KIAA1549: variants seen among roughly 807,000 people sequenced by gnomAD.
The protein encoded by KIAA1549 is UPF0606 protein KIAA1549.
In KIAA1549, 70 loss-of-function variants were observed where a neutral mutation model predicts 156.4. That is an observed-to-expected ratio of 0.45 (90% CI 0.37 to 0.55). The LOEUF (loss-of-function observed/expected upper bound fraction) is 0.55. Ranked by LOEUF, KIAA1549 falls within the 20% of genes least tolerant of loss-of-function variation. KIAA1549 has a pLI of 0.00. For missense variants in KIAA1549, 2,428 were observed against 2,540.9 expected (o/e 0.96, Z 0.96); for synonymous variants, 1,103 against 1,066.4 (o/e 1.03, Z -0.67).
rs559237252 is a variant in KIAA1549, at chr7:138,947,699, C to T, written c.188-28261G>A. Reference sequence around the variant, plus strand: ...CTTTTCTGAGATTCCTTGATAATAACTGCAGATGTAAACTACACTTTCAGT... The same window carrying T: ...CTTTTCTGAGATTCCTTGATAATAATTGCAGATGTAAACTACACTTTCAGT... On this transcript the variant is annotated intron_variant, in intron 1 of 19. Coordinates refer to ENST00000422774, the MANE Select transcript of KIAA1549 (RefSeq NM_001164665.2). 1.5e-3 allele frequency among the ~76,000 whole-genome samples: 224 copies of T among 152,310 alleles called. 2 individuals carry two copies. The highest frequency in any genetic ancestry group is 5.1e-3 in the African/African-American group (210 of 41,566).
At position 138,835,230 on chromosome 7, in the gene KIAA1549, A is replaced by C. The variant is rs186365916; in HGVS notation, c.*2676T>G. 1 of 214,648 alleles carries C rather than the reference A, an allele frequency of 4.7e-6. No individual in the cohort carries two copies. The highest frequency in any genetic ancestry group is 2.3e-5 in the African/African-American group (1 of 44,244). The allele number at this position is 214,648 out of a possible 1,614,324, so 13.3% of individuals were successfully genotyped here. A position where few individuals can be genotyped will look rare whatever the true frequency, so the allele number is the denominator to read the frequency against. On this transcript the variant is annotated 3_prime_UTR_variant, in exon 20 of 20. Transcript: ENST00000422774. ...CAGCTAGTTTTTTCTGAGTTTGGTGACTGGCAAAACTGTTGTGGCAGGCGT... is the reference window on the plus strand; with the variant it reads ...CAGCTAGTTTTTTCTGAGTTTGGTGCCTGGCAAAACTGTTGTGGCAGGCGT...
At chr7:138,838,355 G>A (rs1247754930) in intron 19 of KIAA1549, among the ~76,000 whole-genome samples, 195 bp from the exon 20 acceptor site, 1 of 152,216 alleles carries the variant, frequency 6.6e-6, no homozygotes, top group Non-Finnish European at 1.5e-5. Context: ...AAGGGAGGGA[G>A]GCTGGAGTGC....
chr7:138,848,972 A>T (rs191983249), intron 17 of KIAA1549, among the ~76,000 whole-genome samples: 1 of 152,174 alleles, frequency 6.6e-6, no homozygotes, highest in Non-Finnish European at 1.5e-5. Context: ...AGCTTAAGCA[A>T]TCATCCCATC....
chr7:138,950,902 C>G (rs549403006), intron 1 of KIAA1549, among the ~76,000 whole-genome samples: 1 of 152,156 alleles, frequency 6.6e-6, no homozygotes, highest in South Asian at 2.1e-4. Context: ...CTCTCTCTAC[C>G]CTGCTGAGGT....
chr7:138,918,688 T>G lies in KIAA1549; in HGVS notation c.938A>C (p.Glu313Ala), dbSNP rs1433078436. ...TCTGTCTGCACTTGTGGCCCAAACC[T>G]CCTCTGGAGGCTGTGAGACCTCCCC... is the stretch of plus-strand genomic sequence containing the variant. ...SLGEVSQPPEEVWATSADRYT... is the reference protein window; with the variant it reads ...SLGEVSQPPEAVWATSADRYT... The change falls in exon 2 of 20, where the codon GAG (glutamate) becomes GCG (alanine). Residue 313 changes from glutamate (E) to alanine (A), a missense_variant. Glu to Ala is a moderately radical substitution (Grantham distance 107, BLOSUM62 -1). Transcript: ENST00000422774. The surrounding 1 kb of genome is among the most constrained non-coding windows in gnomAD (Gnocchi z 4.2). 6.2e-7 allele frequency: 1 copy of G among 1,613,710 alleles called. No individual in the cohort carries two copies. Among genetic ancestry groups the G allele is most frequent in the South Asian group, 1.1e-5 (1 of 91,072 alleles).
At chr7:138,908,855 A>C (rs1812084641) in intron 5 of KIAA1549, 136 bp downstream of exon 5, 1 of 1,023,894 alleles carries the variant, frequency 9.8e-7, no homozygotes, top group Non-Finnish European at 1.4e-6. Context: ...CGCCACAGGA[A>C]TAGATCAATC....
At chr7:138,867,682 T>C (rs1355327406) in intron 15 of KIAA1549, among the ~76,000 whole-genome samples, 1 of 152,224 alleles carries the variant, frequency 6.6e-6, no homozygotes, top group Admixed American at 6.5e-5. Context: ...AGTCCCACTG[T>C]GAAGTCTGAG....
chr7:138,881,974 A>C (rs1404270159), intron 10 of KIAA1549, among the ~76,000 whole-genome samples: 1 of 152,254 alleles, frequency 6.6e-6, no homozygotes, highest in African/African-American at 2.4e-5. Context: ...AGATCATATC[A>C]GGAAGCAGAG....
chr7:138,959,237 A>T (rs1813764193), intron 1 of KIAA1549, among the ~76,000 whole-genome samples: 1 of 152,192 alleles, frequency 6.6e-6, no homozygotes, highest in East Asian at 1.9e-4. Flanking sequence ...TCTGCTATAC[A>T]TTAATTCATT....
chr7:138,891,643 G>T (rs1386457871), intron 10 of KIAA1549, among the ~76,000 whole-genome samples: 1 of 152,154 alleles, frequency 6.6e-6, no homozygotes, highest in Non-Finnish European at 1.5e-5. Context: ...GGGAAGGGGG[G>T]TGCAGATTTT....
intron 1 of KIAA1549, among the ~76,000 whole-genome samples, chr7:138,924,672 T>C (rs752763651): frequency 6.6e-5 from 10 of 152,064 alleles, no homozygotes; most frequent in Non-Finnish European, 1.2e-4. Flanking sequence ...TTTTCTTTCT[T>C]TCTCTCTGCC....
At chr7:138,892,753 T>C (rs528342382) in intron 10 of KIAA1549, among the ~76,000 whole-genome samples, 2 of 152,330 alleles carry the variant, frequency 1.3e-5, no homozygotes, top group South Asian at 2.1e-4. Flanking sequence ...TTTAAAGTAA[T>C]GCATATTTTT....
At chr7:138,913,742 C>T (rs1239170206) in intron 2 of KIAA1549, among the ~76,000 whole-genome samples, 1 of 152,120 alleles carries the variant, frequency 6.6e-6, no homozygotes, top group East Asian at 1.9e-4. Context: ...CAGCCCCAAC[C>T]ACCTTGCTGA....
chr7:138,868,162 A>T, intron 14 of KIAA1549, 34 bp from the exon 15 acceptor site: 1 of 1,596,816 alleles, frequency 6.3e-7, no homozygotes, highest in Non-Finnish European at 8.5e-7. Flanking sequence ...CTTCGTAGGA[A>T]ATCACCCTTT....
chr7:138,881,404 C>T lies in KIAA1549; in HGVS notation c.4213G>A (p.Val1405Ile), dbSNP rs765766724. ...SPKSKIPSKN[V>I]RHRGRVSPSD... ...AATAATAACCTTCCTCTGTGACGAACATTCTTGGAAGGGATCTTTGACTTG... is the reference window on the plus strand; with the variant it reads ...AATAATAACCTTCCTCTGTGACGAATATTCTTGGAAGGGATCTTTGACTTG... Residue 1405 changes from valine to isoleucine, a missense_variant, in exon 11 of 20, where the codon GTT (valine) becomes ATT (isoleucine). Transcript: ENST00000422774. The T allele has an allele frequency of 3.2e-5, 52 of 1,613,284 alleles. No individual in the cohort carries two copies. Among genetic ancestry groups the T allele is most frequent in the Non-Finnish European group, 4.0e-5 (47 of 1,179,772 alleles).
At position 138,832,807 on chromosome 7, in the gene KIAA1549, T is replaced by C. The variant is rs192237302; in HGVS notation, c.*5099A>G. ...TGTTGCGATTTCCAAGTCATCTTCA[T>C]AGTGGAGAAAGTAGTCCTGTTTAAA... On this transcript the variant is annotated 3_prime_UTR_variant, in exon 20 of 20. Transcript: ENST00000422774. 2.0e-4 allele frequency: 46 copies of C among 224,686 alleles called. No homozygotes were observed. Among genetic ancestry groups the C allele is most frequent in the African/African-American group, 9.3e-4 (42 of 44,962 alleles). 13.9% of individuals were successfully genotyped at this position (224,686 alleles called of 1,614,324 possible). A position where few individuals can be genotyped will look rare whatever the true frequency, so the allele number is the denominator to read the frequency against.
chr7:138,889,204 G>A (rs562269759), intron 10 of KIAA1549, among the ~76,000 whole-genome samples: 1 of 152,296 alleles, frequency 6.6e-6, no homozygotes, highest in East Asian at 1.9e-4. Context: ...GCTACAGATG[G>A]CCTCCCCTAA....
chr7:138,908,775 G>C (rs1316167376), intron 5 of KIAA1549, among the ~76,000 whole-genome samples: 2 of 152,066 alleles, frequency 1.3e-5, no homozygotes, highest in South Asian at 4.1e-4. Flanking sequence ...CACCATATCT[G>C]AGCTCCCTGG....
At chr7:138,859,768 C>A (rs1312953530) in intron 16 of KIAA1549, among the ~76,000 whole-genome samples, 1 of 152,202 alleles carries the variant, frequency 6.6e-6, no homozygotes, top group Non-Finnish European at 1.5e-5. Flanking sequence ...CCAGATACTC[C>A]TTCCAGTGTT....
Sources: gnomAD v4.1 joint callset for allele counts (sites outside exome capture counted in the v4.1 genomes callset) on GRCh38, gnomAD v4.1.1 for gene constraint, Gnocchi (gnomAD v3.1) non-coding constraint, MANE v1.5 for transcripts, NCBI Gene and HGNC (gene_info 2026-07-23, HGNC 2026-07-21) for gene names.